AGBL4: variants seen among roughly 807,000 people sequenced by gnomAD.
AGBL4 encodes the protein cytosolic carboxypeptidase 6.
AGBL4 carries 58 observed loss-of-function variants against 66.4 expected under a neutral mutation model. The observed-to-expected ratio is 0.87, with a 90% CI of 0.71 to 1.09. AGBL4 has a LOEUF of 1.09. AGBL4 is among the 50% of genes least tolerant of loss of function. AGBL4 has a pLI of 0.00. For missense variants in AGBL4, 579 were observed against 631.0 expected (o/e 0.92, Z 0.88); for synonymous variants, 234 against 222.9 (o/e 1.05, Z -0.44).
At chr1:48,818,282 T>A (rs1646232873) in intron 6 of AGBL4, 1 of 717,068 alleles carries the variant, frequency 1.4e-6, no homozygotes, top group Non-Finnish European at 2.6e-6. Flanking sequence ...CTCCGTGGCA[T>A]CTACTTCACC....
At chr1:49,863,552 C>T (rs1357877277) in intron 1 of AGBL4, among the ~76,000 whole-genome samples, 1 of 152,064 alleles carries the variant, frequency 6.6e-6, no homozygotes, top group African/African-American at 2.4e-5. Flanking sequence ...TAATTAATAA[C>T]AAGAATATAT....
chr1:49,902,613 G>A (rs1223732701), intron 1 of AGBL4, among the ~76,000 whole-genome samples: 1 of 152,128 alleles, frequency 6.6e-6, no homozygotes, highest in Non-Finnish European at 1.5e-5. Flanking sequence ...TGGGCGTGGT[G>A]GCACACGCCT....
At chr1:48,972,241 C>T (rs1057461325) in intron 5 of AGBL4, among the ~76,000 whole-genome samples, 12 of 152,082 alleles carry the variant, frequency 7.9e-5, no homozygotes, top group Non-Finnish European at 1.8e-4. Context: ...GGTAGGGAAG[C>T]TGAAGGGAGA....
chr1:49,395,122 CT>C (rs1347751878), intron 3 of AGBL4, among the ~76,000 whole-genome samples: 2 of 152,180 alleles, frequency 1.3e-5, no homozygotes, highest in Non-Finnish European at 2.9e-5. Flanking sequence ...AATCCATCTC[CT>C]TTGGGGGACA....
chr1:49,569,026 C>T (rs1320891166), intron 3 of AGBL4, among the ~76,000 whole-genome samples: 1 of 152,158 alleles, frequency 6.6e-6, no homozygotes, highest in Non-Finnish European at 1.5e-5. Flanking sequence ...GATACATAGA[C>T]ACAATGGAGT....
chr1:49,416,839 T>C (rs1011897763), intron 3 of AGBL4, among the ~76,000 whole-genome samples: 2 of 152,034 alleles, frequency 1.3e-5, no homozygotes, highest in Admixed American at 1.3e-4. Flanking sequence ...TATGGGCATG[T>C]AAGGCAGCTG....
intron 4 of AGBL4, among the ~76,000 whole-genome samples, chr1:49,162,432 G>C (rs973391406): frequency 5.3e-5 from 8 of 152,268 alleles, no homozygotes; most frequent in Middle Eastern, 3.4e-3. Context: ...GTAAATGTCT[G>C]ATAAATGAAT....
intron 3 of AGBL4, among the ~76,000 whole-genome samples, chr1:49,404,468 T>A (rs1441497751): frequency 2.0e-5 from 3 of 152,196 alleles, no homozygotes; most frequent in Admixed American, 2.0e-4. Context: ...AGTGTGGTGT[T>A]TTGTGAGAGC....
intron 3 of AGBL4, chr1:49,469,721 T>C (rs1646703597): frequency 6.6e-6 from 1 of 151,932 alleles, no homozygotes; most frequent in Non-Finnish European, 1.5e-5. Flanking sequence ...TTCTTTCAAA[T>C]TCCTTCATAA....
chr1:49,433,756 G>A (rs1184136468), intron 3 of AGBL4, among the ~76,000 whole-genome samples: 1 of 152,106 alleles, frequency 6.6e-6, no homozygotes, highest in Admixed American at 6.5e-5. Flanking sequence ...TGAAGCCTAA[G>A]TTTACTTGTC....
intron 3 of AGBL4, among the ~76,000 whole-genome samples, chr1:49,654,866 C>G (rs1393205948): frequency 6.6e-6 from 1 of 152,112 alleles, no homozygotes; most frequent in Non-Finnish European, 1.5e-5. Context: ...ATGATCTTGA[C>G]TCTTTATCCA....
intron 1 of AGBL4, among the ~76,000 whole-genome samples, chr1:49,910,071 C>T (rs1407981206): frequency 1.3e-5 from 2 of 152,070 alleles, no homozygotes; most frequent in African/African-American, 4.8e-5. Context: ...TTAGATAATA[C>T]TTAAAGGAAC....
At chr1:48,734,747 AC>A (rs1648749391) in intron 6 of AGBL4, among the ~76,000 whole-genome samples, 1 of 152,046 alleles carries the variant, frequency 6.6e-6, no homozygotes, top group Non-Finnish European at 1.5e-5. Context: ...TTCTCCAACT[AC>A]CCCAGTGAAT....
At chr1:49,436,662 T>C (rs989170669) in intron 3 of AGBL4, among the ~76,000 whole-genome samples, 1 of 152,180 alleles carries the variant, frequency 6.6e-6, no homozygotes, top group South Asian at 2.1e-4. Flanking sequence ...AAATCTATCT[T>C]TTGCCAATAA....
At chr1:48,942,672 T>A (rs1485601810) in intron 5 of AGBL4, among the ~76,000 whole-genome samples, 1 of 152,138 alleles carries the variant, frequency 6.6e-6, no homozygotes, top group Non-Finnish European at 1.5e-5. Context: ...AAACATTCAA[T>A]AAGTGAAAGT....
intron 1 of AGBL4, among the ~76,000 whole-genome samples, chr1:49,867,199 A>G (rs1429202854): frequency 6.6e-6 from 1 of 151,970 alleles, no homozygotes; most frequent in Non-Finnish European, 1.5e-5. Context: ...GTTCTTTGGC[A>G]TCCGTGGACT....
intron 2 of AGBL4, among the ~76,000 whole-genome samples, chr1:49,699,079 T>C (rs1348306000): frequency 6.6e-6 from 1 of 152,138 alleles, no homozygotes; most frequent in Non-Finnish European, 1.5e-5. Flanking sequence ...GATTTCATTG[T>C]GTTTTTCTTT....
At chr1:49,878,982 C>A (rs1376083084) in intron 1 of AGBL4, among the ~76,000 whole-genome samples, 11 of 100,412 alleles carry the variant, frequency 1.1e-4, no homozygotes, top group Non-Finnish European at 2.0e-4. Context: ...AGGATTGCAA[C>A]CCCTGCCTTT....
At chr1:49,641,802 T>G (rs1571231394) in intron 3 of AGBL4, among the ~76,000 whole-genome samples, 1 of 152,198 alleles carries the variant, frequency 6.6e-6, no homozygotes, top group East Asian at 1.9e-4. Context: ...CATTTTTGAT[T>G]ACATGCTATG....
Sources: allele counts gnomAD v4.1 joint callset (sites outside exome capture counted in the v4.1 genomes callset), GRCh38; gene constraint gnomAD v4.1.1; transcripts MANE v1.5; gene names NCBI Gene and HGNC (gene_info 2026-07-23, HGNC 2026-07-21).